The following WASHC2C variants were observed in gnomAD, a reference collection of about 807,000 sequenced individuals.
WASHC2C encodes the protein Vaccinia Penetration Factor.
WASHC2C carries 73 observed loss-of-function variants against 142.2 expected under a neutral mutation model. The ratio of observed to expected loss-of-function variants is 0.51; its 90% CI spans 0.43 to 0.62. WASHC2C has a LOEUF of 0.62. Ranked by LOEUF, WASHC2C falls within the 20% of genes least tolerant of loss-of-function variation. WASHC2C has a pLI of 0.00. For synonymous variants in WASHC2C, 337 were observed against 565.5 expected (o/e 0.60, Z 5.73); for missense variants, 969 against 1,531.7 (o/e 0.63, Z 6.13).
At chr10:45,738,101 G>T (rs1460177539) in intron 4 of WASHC2C, 56 bp downstream of exon 4, 5 of 1,609,190 alleles carry the variant, frequency 3.1e-6, no homozygotes, top group African/African-American at 1.3e-5. Flanking sequence ...GTGTGGTGGA[G>T]ATCGATGTGT....
intron 8 of WASHC2C, among the ~76,000 whole-genome samples, chr10:45,749,851 A>ATATATATATATT (rs797033033): frequency 0.09 from 9,633 of 107,038 alleles, 590 homozygotes; most frequent in Admixed American, 0.13. Context: ...ATATATATAT[A>ATATATATATATT]TATATTTATA....
rs567407849 is a variant in WASHC2C at position 45,728,254 on chromosome 10, T to G, written c.127-608T>G. Among the ~76,000 whole-genome samples, 209 of 152,280 alleles carry G rather than the reference T, an allele frequency of 1.4e-3. 1 individual carries two copies. Among genetic ancestry groups the G allele is most frequent in the African/African-American group, 4.9e-3 (202 of 41,558 alleles). On this transcript the variant is annotated intron_variant, in intron 2 of 30. Coordinates refer to ENST00000623400, the MANE Select transcript of WASHC2C (RefSeq NM_001330074.2). ...TATGTTGCCCAGACTGGTCTGCAAC[T>G]CCTGGACTCTAGCGATAACCCTGCC...
At chr10:45,736,019 A>G (rs1242481375) in intron 3 of WASHC2C, among the ~76,000 whole-genome samples, 1 of 152,048 alleles carries the variant, frequency 6.6e-6, no homozygotes, top group Non-Finnish European at 1.5e-5. Context: ...CTGTAATCCC[A>G]GCACTTTGGG....
At chr10:45,773,154 G>A in intron 20 of WASHC2C, 102 bp from the exon 21 acceptor site, 1 of 533,524 alleles carries the variant, frequency 1.9e-6, no homozygotes. Flanking sequence ...TTGGGTGGTA[G>A]GTGGATTCCT....
Position 45,727,530 on chromosome 10 carries a change from C to G in WASHC2C, c.117C>G (p.Ala39=), listed in dbSNP as rs761261919. ...RRSSQSWSLA[A]DAGLLQFLQE... Reference sequence around the variant, plus strand: ...GCAGCCAGAGCTGGTCGCTGGCGGCCGACGCGGGCGTGAGAGGCGGGCCCC... The same window carrying G: ...GCAGCCAGAGCTGGTCGCTGGCGGCGGACGCGGGCGTGAGAGGCGGGCCCC... Residue 39 remains alanine (A), a synonymous_variant, in exon 2 of 31, where the codon GCC becomes GCG. Transcript: ENST00000623400. 13 of 1,586,232 alleles carry G rather than the reference C, an allele frequency of 8.2e-6. No individual in the cohort carries two copies. The highest frequency in any genetic ancestry group is 6.8e-6 in the Non-Finnish European group (8 of 1,167,990).
chr10:45,757,975 T>C (rs1393427617), intron 16 of WASHC2C, among the ~76,000 whole-genome samples: 2 of 152,272 alleles, frequency 1.3e-5, no homozygotes, highest in Admixed American at 1.3e-4. Context: ...TTTTTTGTTC[T>C]AAGAAACTCA....
At chr10:45,753,789 C>T (rs2442929) in intron 13 of WASHC2C, among the ~76,000 whole-genome samples, 1 of 147,888 alleles carries the variant, frequency 6.8e-6, no homozygotes. Flanking sequence ...CACCTGTCCC[C>T]TTGGTGCAGT....
rs1589690490 is a variant in WASHC2C, at chr10:45,749,843, ATATATATATATATT to A, written c.733-239_733-226del. ...TCCATCTCAAAAAAAAAAAATATAT[ATATATATATATATT>A]TATATATATATATATTTATATTTTA... On this transcript the variant is annotated intron_variant, in intron 8 of 30. Transcript: ENST00000623400. 3.1e-5 allele frequency among the ~76,000 whole-genome samples: 4 copies of A among 130,468 alleles called. 1 individual carries two copies. In the East Asian group the frequency reaches 7.0e-4, roughly 23 times the overall value. The allele number at this position is 130,468 out of a possible 152,430, so 85.6% of individuals were successfully genotyped here.
intron 29 of WASHC2C, among the ~76,000 whole-genome samples, chr10:45,789,702 G>C (rs2135817939): frequency 6.6e-6 from 1 of 152,264 alleles, no homozygotes; most frequent in South Asian, 2.1e-4. Flanking sequence ...TTTCTTGGCT[G>C]GCCATGATCA....
At chr10:45,736,405 C>CAA (rs71520974) in intron 3 of WASHC2C, among the ~76,000 whole-genome samples, 3,284 of 24,608 alleles carry the variant, frequency 0.13, 416 homozygotes, top group Non-Finnish European at 0.16. Context: ...GACTCCATCT[C>CAA]AAAAAAAAAA....
At chr10:45,786,019 C>G (rs1320294694) in intron 26 of WASHC2C, 1 of 272,520 alleles carries the variant, frequency 3.7e-6, no homozygotes, top group Non-Finnish European at 7.1e-6. Flanking sequence ...TTGCCTCTCC[C>G]GAGGTCATTG....
chr10:45,787,290 A>G, intron 28 of WASHC2C, 43 bp downstream of exon 28: 1 of 871,084 alleles, frequency 1.1e-6, no homozygotes, highest in Non-Finnish European at 1.9e-6. Context: ...TCTTTTAACC[A>G]GAACATGCAT....
At chr10:45,784,271 T>TATATATATATATACACACACACACAC (rs2057795465) in intron 23 of WASHC2C, among the ~76,000 whole-genome samples, 11 of 8,720 alleles carry the variant, frequency 1.3e-3, no homozygotes, top group Non-Finnish European at 2.4e-3. Context: ...TATATATATA[T>TATATATATATATACACACACACACAC]ATATATATAT....
At position 45,727,335 on chromosome 10, in the gene WASHC2C, C is replaced by A. The variant is rs1363025931; in HGVS notation, c.3+15C>A. Reference sequence around the variant, plus strand: ...CGGCTGGGATGGTGAGGGCGGCGGGCCGGAGAGGGGCCGGCCTGGGCTGGG... The same window carrying A: ...CGGCTGGGATGGTGAGGGCGGCGGGACGGAGAGGGGCCGGCCTGGGCTGGG... On this transcript the variant is annotated intron_variant, in intron 1 of 30. Transcript: ENST00000623400. 3.1e-6 allele frequency: 5 copies of A among 1,587,940 alleles called. No homozygotes were observed. Among genetic ancestry groups the A allele is most frequent in the Non-Finnish European group, 3.4e-6 (4 of 1,168,592 alleles).
chr10:45,784,305 T>C lies in WASHC2C; in HGVS notation c.2479-260T>C, dbSNP rs1252451303. 3.6e-5 allele frequency among the ~76,000 whole-genome samples: 3 copies of C among 82,576 alleles called. No individual in the cohort carries two copies. The East Asian group carries it at 2.1e-3, about 58-fold the overall frequency. The allele number at this position is 82,576 out of a possible 152,430, so 54.2% of individuals were successfully genotyped here. On this transcript the variant is annotated intron_variant, in intron 23 of 30. Transcript: ENST00000623400. Reference sequence around the variant, plus strand: ...ATATATATATACACATATATATATATATATATACACACACATATATATATA... The same window carrying C: ...ATATATATATACACATATATATATACATATATACACACACATATATATATA...
rs1459597715 is a variant in WASHC2C, at chr10:45,727,460, A to G, written c.47A>G (p.Glu16Gly). 6.2e-7 allele frequency: 1 copy of G among 1,610,674 alleles called. No homozygotes were observed. Among genetic ancestry groups the G allele is most frequent in the East Asian group, 2.2e-5 (1 of 44,778 alleles). The change falls in exon 2 of 31, where the codon GAG becomes GGG. Residue 16 changes from glutamate to glycine, a missense_variant. Transcript: ENST00000623400. ...TPDQELVPASEPVWERPWSVE... is the reference protein window; with the variant it reads ...TPDQELVPASGPVWERPWSVE... ...GACCAGGAGCTGGTGCCGGCGTCGG[A>G]GCCCGTGTGGGAGCGGCCGTGGTCG...
chr10:45,788,531 G>A (rs1261606762), intron 28 of WASHC2C, among the ~76,000 whole-genome samples: 1 of 151,752 alleles, frequency 6.6e-6, no homozygotes, highest in Non-Finnish European at 1.5e-5. Flanking sequence ...TAGGGGCCAA[G>A]GGAGGGGTTG....
In WASHC2C at chr10:45,789,422, A is replaced by G. The variant is rs1376147969; in HGVS notation, c.3639A>G (p.Lys1213=). Residue 1213 remains lysine, a synonymous_variant, in exon 29 of 31, where the codon AAA becomes AAG. Coordinates refer to ENST00000623400, the MANE Select transcript of WASHC2C (RefSeq NM_001330074.2). ...AGGATGACCTCTTTACAGATCAGAAAGTCAAGAAGAATGAGACAAAATCCA... is the reference window on the plus strand; with the variant it reads ...AGGATGACCTCTTTACAGATCAGAAGGTCAAGAAGAATGAGACAAAATCCA... The part of the protein sequence containing the change: ...EDEDDLFTDQ[K]VKKNETKSSS... The G allele has an allele frequency of 4.3e-6, 7 of 1,611,972 alleles. No homozygotes were observed. The East Asian group carries it at 8.9e-5, about 21-fold the overall frequency.
Position 45,784,293 on chromosome 10 carries a change from C to CACATAT in WASHC2C, c.2479-271_2479-270insCATATA, listed in dbSNP as rs1305333868. Among the ~76,000 whole-genome samples the CACATAT allele has an allele frequency of 3.2e-3, 205 of 63,608 alleles. 9 individuals carry two copies. Among genetic ancestry groups the CACATAT allele is most frequent in the South Asian group, 4.3e-3 (7 of 1,624 alleles). The allele number at this position is 63,608 out of a possible 152,430, so 41.7% of individuals were successfully genotyped here. On this transcript the variant is annotated intron_variant, in intron 23 of 30. Transcript: ENST00000623400. The stretch of plus-strand genomic sequence containing the variant: ...ATATATATATATATATATATATACA[C>CACATAT]ATATATATATATATATATACACACA...
Sources: allele counts gnomAD v4.1 joint callset (sites outside exome capture counted in the v4.1 genomes callset), GRCh38; gene constraint gnomAD v4.1.1; transcripts MANE v1.5; gene names NCBI Gene and HGNC (gene_info 2026-07-23, HGNC 2026-07-21).